The following CUL2 variants were observed in gnomAD, a reference collection of about 807,000 sequenced individuals.
CUL2 encodes the protein cullin 2, also known as cullin-2.
CUL2 carries 22 observed loss-of-function variants against 110.2 expected under a neutral mutation model. The ratio of observed to expected loss-of-function variants is 0.20; its 90% CI spans 0.14 to 0.28. CUL2 has a LOEUF of 0.28. Ranked by LOEUF, CUL2 falls within the 10% of genes least tolerant of loss-of-function variation. The pLI, the probability that CUL2 is intolerant of heterozygous loss-of-function variation, is 1.00. For missense variants in CUL2, 631 were observed against 905.5 expected, an observed-to-expected ratio of 0.70 and a Z score of 3.89; for synonymous variants, 279 against 293.2, an observed-to-expected ratio of 0.95 and a Z score of 0.49.
upstream of CUL2, among the ~76,000 whole-genome samples, chr10:35,094,010 A>G (rs1239959706): frequency 6.6e-6 from 1 of 152,078 alleles, no homozygotes; most frequent in Non-Finnish European, 1.5e-5. Context: ...TATCCTTTAA[A>G]TTTCTAATAC....
At chr10:35,052,243 GT>G in intron 5 of CUL2, among the ~76,000 whole-genome samples, 1 of 152,118 alleles carries the variant, frequency 6.6e-6, no homozygotes, top group East Asian at 1.9e-4. Flanking sequence ...CACTGTTCAA[GT>G]TTTGCCTTTC....
At chr10:35,030,030 G>A (rs562027088) in intron 14 of CUL2, among the ~76,000 whole-genome samples, 16 of 152,292 alleles carry the variant, frequency 1.1e-4, no homozygotes, top group South Asian at 4.1e-4. Flanking sequence ...ATGCTGCAAC[G>A]CAGTGGCTAT....
intron 5 of CUL2, among the ~76,000 whole-genome samples, chr10:35,054,212 T>A (rs185265294): frequency 7.9e-5 from 12 of 152,330 alleles, no homozygotes; most frequent in African/African-American, 2.6e-4. Flanking sequence ...ATTAACTCTA[T>A]CATTCATCCA....
At chr10:35,116,806 G>C (rs1589071555) in intron 1 of CUL2, among the ~76,000 whole-genome samples, 1 of 151,926 alleles carries the variant, frequency 6.6e-6, no homozygotes, top group South Asian at 2.1e-4. Flanking sequence ...AAATACAAAA[G>C]AATAGCTGGG....
At chr10:35,016,509 T>C in intron 17 of CUL2, 115 bp from the exon 18 acceptor site, 6 of 832,120 alleles carry the variant, frequency 7.2e-6, no homozygotes, top group Non-Finnish European at 1.1e-5. Context: ...ATTAAATTGT[T>C]GTAAAGCCAC....
intron 8 of CUL2, among the ~76,000 whole-genome samples, chr10:35,042,767 G>T (rs899910229): frequency 6.6e-6 from 1 of 152,132 alleles, no homozygotes; most frequent in Non-Finnish European, 1.5e-5. Flanking sequence ...CATTAAGTGA[G>T]TGTTTCCCTA....
chr10:35,044,051 C>CCA (rs1182789208), intron 8 of CUL2, among the ~76,000 whole-genome samples: 1 of 87,794 alleles, frequency 1.1e-5, no homozygotes, highest in Non-Finnish European at 2.2e-5. Context: ...ACCACATCTC[C>CCA]AAAAAAAAAA....
At chr10:35,118,375 C>G (rs1409119102) in intron 1 of CUL2, 1 of 152,184 alleles carries the variant, frequency 6.6e-6, no homozygotes, top group Non-Finnish European at 1.5e-5. Context: ...CATTTCTTAA[C>G]TCTCCTTTCA....
intron 9 of CUL2, among the ~76,000 whole-genome samples, chr10:35,037,344 G>C (rs1279954173): frequency 1.3e-5 from 2 of 152,190 alleles, no homozygotes; most frequent in Admixed American, 1.3e-4. Context: ...ATATGCTTGG[G>C]TTGTTTCTAG....
intron 1 of CUL2, among the ~76,000 whole-genome samples, chr10:35,073,925 A>G (rs934386903): frequency 6.6e-6 from 1 of 152,092 alleles, no homozygotes; most frequent in Non-Finnish European, 1.5e-5. Flanking sequence ...CATTTTCTGA[A>G]TAAGAAAACT....
At chr10:35,126,050 G>A (rs1345382943) in intron 1 of CUL2, among the ~76,000 whole-genome samples, 1 of 152,028 alleles carries the variant, frequency 6.6e-6, no homozygotes, top group East Asian at 1.9e-4. Context: ...GGCTGCTCCT[G>A]ACCTCAGGTG....
intron 1 of CUL2, among the ~76,000 whole-genome samples, chr10:35,077,922 T>C (rs1282854332): frequency 6.6e-6 from 1 of 152,118 alleles, no homozygotes; most frequent in Non-Finnish European, 1.5e-5. Flanking sequence ...AGCTTGCTCA[T>C]GAGTTGATAA....
chr10:35,116,539 T>G (rs917715979), intron 1 of CUL2, among the ~76,000 whole-genome samples: 4 of 152,238 alleles, frequency 2.6e-5, no homozygotes, highest in Non-Finnish European at 5.9e-5. Flanking sequence ...TGGCTTTTTT[T>G]TGTGATCTCG....
At chr10:35,074,904 G>A (rs1049339768) in intron 1 of CUL2, among the ~76,000 whole-genome samples, 27 of 152,150 alleles carry the variant, frequency 1.8e-4, no homozygotes, top group African/African-American at 6.5e-4. Context: ...GCTCTGAACT[G>A]TAATTACCTG....
chr10:35,103,897 G>A lies in CUL2; in HGVS notation c.-50-2837C>T, dbSNP rs2135114002. On this transcript the variant is annotated intron_variant, in intron 1 of 5. Transcript: ENST00000685421. Reference sequence around the variant, plus strand: ...ACAATAAAATGTAACCTCTCCAAGGGATAGATCTTGGAATTGAGGGGATCC... The same window carrying A: ...ACAATAAAATGTAACCTCTCCAAGGAATAGATCTTGGAATTGAGGGGATCC... Among the ~76,000 whole-genome samples, 3 of 151,852 alleles carry A rather than the reference G, an allele frequency of 2.0e-5. 1 individual carries two copies. In the South Asian group the frequency reaches 6.2e-4, roughly 32 times the overall value.
chr10:35,111,152 T>C lies in CUL2; in HGVS notation c.-50-10092A>G, dbSNP rs915514891. Among the ~76,000 whole-genome samples, 9 of 152,296 alleles carry C rather than the reference T, an allele frequency of 5.9e-5. No individual in the cohort carries two copies. The East Asian group carries it at 7.7e-4, about 13-fold the overall frequency. On this transcript the variant is annotated intron_variant, in intron 1 of 5. Transcript: ENST00000685421. The stretch of plus-strand genomic sequence containing the variant: ...TCAGTTTTTGGCCTGAGCAACTTGG[T>C]TGCCATTTGCTGAAACAGAGAAAAT...
In CUL2 at chr10:35,044,621, T is replaced by C. The variant is rs1486234838; in HGVS notation, c.659A>G (p.Lys220Arg). 6.2e-7 allele frequency: 1 copy of C among 1,611,068 alleles called. No homozygotes were observed. Among genetic ancestry groups the C allele is most frequent in the Non-Finnish European group, 8.5e-7 (1 of 1,179,508 alleles). Residue 220 changes from lysine (K) to arginine (R), a missense_variant, in exon 8 of 21, where the codon AAA (lysine) becomes AGA (arginine). Lys to Arg is a conservative substitution (Grantham distance 26). Transcript: ENST00000374749. ...TTGTAATAAATTTGAAGCTTCTTGT[T>C]TGTAATACTCTCCTGTTTCAGTCAG... is the stretch of plus-strand genomic sequence containing the variant. ...PFLTETGEYY[K>R]QEASNLLQES...
At chr10:35,104,751 G>GA (rs1413758243) in intron 1 of CUL2, among the ~76,000 whole-genome samples, 1 of 151,700 alleles carries the variant, frequency 6.6e-6, no homozygotes, top group Admixed American at 6.6e-5. Flanking sequence ...CTGGGGGGGG[G>GA]ACAGTCTTGC....
At chr10:35,050,235 T>G (rs567108757) in intron 5 of CUL2, among the ~76,000 whole-genome samples, 5 of 151,638 alleles carry the variant, frequency 3.3e-5, no homozygotes, top group Non-Finnish European at 5.9e-5. Flanking sequence ...GCAGGAGAAT[T>G]GCTTGAACCT....
Sources: gnomAD v4.1 joint callset for allele counts (sites outside exome capture counted in the v4.1 genomes callset) on GRCh38, gnomAD v4.1.1 for gene constraint, MANE v1.5 for transcripts, NCBI Gene and HGNC (gene_info 2026-07-23, HGNC 2026-07-21) for gene names.